Variants in UBR4 observed in about 807,000 individuals in gnomAD.
UBR4 encodes the protein E3 ubiquitin-protein ligase UBR4.
Under a neutral mutation model 575.6 loss-of-function variants are expected in UBR4, and 124 were observed. That is an observed-to-expected ratio of 0.22 (90% CI 0.19 to 0.25). UBR4 has a LOEUF of 0.25. Among genes scored for constraint, UBR4 ranks in the 10% least tolerant of loss-of-function variants. The pLI is 1.00. For missense variants in UBR4, 4,818 were observed against 6,478.8 expected (o/e 0.74, Z 8.80); for synonymous variants, 2,455 against 2,473.7 (o/e 0.99, Z 0.22).
chr1:19,110,452 G>A lies in UBR4; in HGVS notation c.11905C>T (p.Gln3969Ter). 1 of 1,614,112 alleles carries A rather than the reference G, an allele frequency of 6.2e-7. No individual in the cohort carries two copies. The highest frequency in any genetic ancestry group is 8.5e-7 in the Non-Finnish European group (1 of 1,180,032). Residue 3969 changes from glutamine (Q) to a stop codon, truncating the protein, a stop_gained, in exon 80 of 106, where the codon CAG (glutamine) becomes TAG (stop). Coordinates refer to ENST00000375254, the MANE Select transcript of UBR4 (RefSeq NM_020765.3). LOFTEE classifies it high-confidence loss of function. This position sits in a 1 kb window ranked among gnomAD's most constrained non-coding sequence, Gnocchi z 4.5. ...WANPDLASSL[Q>*]YEMLLLTDSI... The stretch of plus-strand genomic sequence containing the variant: ...TCCGTCAGCAGCAGCATTTCATACT[G>A]CAGGCTACTTGCCTAGAAGGCAATG...
At chr1:19,137,605 G>A (rs772518144) in intron 60 of UBR4, among the ~76,000 whole-genome samples, 9 of 152,124 alleles carry the variant, frequency 5.9e-5, no homozygotes, top group Non-Finnish European at 4.4e-5. Context: ...AACAAGGAGC[G>A]CTTCTAGGAC....
chr1:19,104,550 G>C (rs1250675899), intron 86 of UBR4, 35 bp downstream of exon 86: 1 of 1,609,872 alleles, frequency 6.2e-7, no homozygotes. Context: ...AACAGATTCA[G>C]GATGCCCTAA....
Position 19,112,690 on chromosome 1 carries a change from C to T in UBR4, c.11635G>A (p.Val3879Ile). The change falls in exon 78 of 106, where the codon GTC (valine) becomes ATC (isoleucine). Residue 3879 changes from valine (V) to isoleucine (I), a missense_variant. Physicochemically the swap from Val to Ile is conservative, Grantham distance 29 (BLOSUM62 3). Transcript: ENST00000375254. ...STKCYGCASA[V>I]TEHCITLLRA... Reference sequence around the variant, plus strand: ...AGTAGTGTGATACAATGTTCTGTGACAGCCGAGGCGCAGCCATAGCACTTG... The same window carrying T: ...AGTAGTGTGATACAATGTTCTGTGATAGCCGAGGCGCAGCCATAGCACTTG... The T allele has an allele frequency of 6.2e-7, 1 of 1,614,258 alleles. No homozygotes were observed. Among genetic ancestry groups the T allele is most frequent in the Non-Finnish European group, 8.5e-7 (1 of 1,180,046 alleles).
intron 76 of UBR4, 55 bp from the exon 77 acceptor site, chr1:19,113,882 G>C (rs746365833): frequency 8.1e-6 from 13 of 1,613,922 alleles, no homozygotes; most frequent in African/African-American, 1.3e-5. Flanking sequence ...ATCTCACCTA[G>C]GAGGCAGTCT....
At chr1:19,196,970 A>G (rs1488522608) in intron 8 of UBR4, among the ~76,000 whole-genome samples, 171 bp downstream of exon 8, 1 of 152,204 alleles carries the variant, frequency 6.6e-6, no homozygotes, top group Non-Finnish European at 1.5e-5. Flanking sequence ...CAACAGGACC[A>G]TTTACAAAGA....
At position 19,177,495 on chromosome 1, in the gene UBR4, T is replaced by C. The variant is rs1179936322; in HGVS notation, c.2603A>G (p.Gln868Arg). The C allele has an allele frequency of 1.9e-6, 3 of 1,614,108 alleles. No homozygotes were observed. Among genetic ancestry groups the C allele is most frequent in the Non-Finnish European group, 1.7e-6 (2 of 1,180,022 alleles). Residue 868 changes from glutamine (Q) to arginine (R), a missense_variant, in exon 19 of 106, where the codon CAG becomes CGG. This residue lies in a region of UBR4 where 1,172 missense variants were observed against 1,259.7 expected (regional missense o/e 0.93). Coordinates refer to ENST00000375254, the MANE Select transcript of UBR4 (RefSeq NM_020765.3). Reference protein sequence around the residue: ...LLLIFDYLLHQYSKAPVYLFE... With the variant: ...LLLIFDYLLHRYSKAPVYLFE... ...TAGATACACAGGGGCTTTGGAGTAC[T>C]GATGAAGCAGATAATCAAAGATGAG...
At chr1:19,207,996 G>A (rs148695336) in intron 1 of UBR4, among the ~76,000 whole-genome samples, 122 of 152,244 alleles carry the variant, frequency 8.0e-4, no homozygotes, top group African/African-American at 2.9e-3. Context: ...GTTTGCCAAC[G>A]CCTGCTTTAT....
chr1:19,131,888 C>A (rs1480914986), intron 60 of UBR4, among the ~76,000 whole-genome samples: 2 of 151,926 alleles, frequency 1.3e-5, no homozygotes, highest in Non-Finnish European at 2.9e-5. Flanking sequence ...AACAAACAAA[C>A]AAAAAAATCT....
chr1:19,121,875 G>C, intron 67 of UBR4, 59 bp downstream of exon 67: 2 of 1,581,344 alleles, frequency 1.3e-6, no homozygotes, highest in Non-Finnish European at 1.7e-6. Flanking sequence ...GCATATAGTA[G>C]GCCTTAACAG....
At chr1:19,122,775 C>T in intron 66 of UBR4, 58 bp downstream of exon 66, 1 of 1,590,656 alleles carries the variant, frequency 6.3e-7, no homozygotes, top group East Asian at 2.2e-5. Flanking sequence ...CTATTACCTA[C>T]TTGGCTAAGC....
intron 70 of UBR4, 99 bp downstream of exon 70, chr1:19,119,458 T>C (rs1419964841): frequency 6.8e-7 from 1 of 1,478,854 alleles, no homozygotes. Context: ...GTTTCCTATA[T>C]GGACTCCCTA....
At position 19,196,386 on chromosome 1, in the gene UBR4, T is replaced by C. The variant is rs535275228; in HGVS notation, c.1018+755A>G. 3.6e-4 allele frequency among the ~76,000 whole-genome samples: 55 copies of C among 152,284 alleles called. No homozygotes were observed. In the South Asian group the frequency reaches 0.011, roughly 30 times the overall value. On this transcript the variant is annotated intron_variant, in intron 8 of 105. Coordinates refer to ENST00000375254, the MANE Select transcript of UBR4 (RefSeq NM_020765.3). ...ATTTCATGGTGTCCCCAAGGTCAGGTCTCCAAGACTATCTGCTCAAATCTT... is the reference window on the plus strand; with the variant it reads ...ATTTCATGGTGTCCCCAAGGTCAGGCCTCCAAGACTATCTGCTCAAATCTT...
At chr1:19,203,499 CAAA>C (rs774026182) in intron 1 of UBR4, among the ~76,000 whole-genome samples, 4 of 108,668 alleles carry the variant, frequency 3.7e-5, no homozygotes, top group Non-Finnish European at 8.0e-5. Flanking sequence ...GACTCCAACT[CAAA>C]AAAAAAAAAA....
rs1248429733 is a variant in UBR4, at chr1:19,110,135, C to G, written c.12066G>C (p.Lys4022Asn). The G allele has an allele frequency of 1.2e-6, 2 of 1,614,166 alleles. No individual in the cohort carries two copies. Among genetic ancestry groups the G allele is most frequent in the Non-Finnish European group, 8.5e-7 (1 of 1,180,018 alleles). ...TAGTGGGAGCAGGTGGTTTTATCAGCTTCTGCAAGATCCTCAGGCACATGA... is the reference window on the plus strand; with the variant it reads ...TAGTGGGAGCAGGTGGTTTTATCAGGTTCTGCAAGATCCTCAGGCACATGA... ...ITLMCLRILQ[K>N]LIKPPAPTSK... Residue 4022 changes from lysine to asparagine, a missense_variant, in exon 81 of 106, where the codon AAG becomes AAC. This residue lies in a region of UBR4 where 333 missense variants were observed against 459.2 expected (regional missense o/e 0.73). Coordinates refer to ENST00000375254, the MANE Select transcript of UBR4 (RefSeq NM_020765.3). The surrounding 1 kb of genome is among the most constrained non-coding windows in gnomAD (Gnocchi z 4.5).
Position 19,172,433 on chromosome 1 carries a change from C to A in UBR4, c.3521+431G>T, listed in dbSNP as rs2089704153. 2.0e-5 allele frequency among the ~76,000 whole-genome samples: 3 copies of A among 152,292 alleles called. No homozygotes were observed. The South Asian group carries it at 6.2e-4, about 32-fold the overall frequency. ...TCAGGAGGCTGAGGCAGGAGAATCA[C>A]TTGAACCCAGGGGGTGGAGGTTGCA... On this transcript the variant is annotated intron_variant, in intron 25 of 105. Coordinates refer to ENST00000375254, the MANE Select transcript of UBR4 (RefSeq NM_020765.3).
intron 8 of UBR4, among the ~76,000 whole-genome samples, chr1:19,195,193 A>T (rs1273467421): frequency 6.6e-6 from 1 of 151,478 alleles, no homozygotes; most frequent in Admixed American, 6.6e-5. Flanking sequence ...TGAAACCAGG[A>T]GGTGGAGCTT....
chr1:19,177,858 T>G, intron 18 of UBR4, 115 bp from the exon 19 acceptor site: 8 of 1,242,526 alleles, frequency 6.4e-6, no homozygotes, highest in Non-Finnish European at 8.8e-6. Flanking sequence ...AGATAACAAA[T>G]TAAGGAAGAA....
At chr1:19,095,505 C>T in intron 93 of UBR4, 40 bp downstream of exon 93, 1 of 1,595,504 alleles carries the variant, frequency 6.3e-7, no homozygotes, top group South Asian at 1.1e-5. Flanking sequence ...CCCAGACTTC[C>T]AAGGCCCACT....
At chr1:19,150,830 C>G (rs1168659261) in intron 48 of UBR4, 37 bp from the exon 49 acceptor site, 16 of 1,605,108 alleles carry the variant, frequency 1.0e-5, no homozygotes, top group Non-Finnish European at 1.4e-5. Context: ...GAAGCACATT[C>G]TCTAAAAAGC....
Sources: allele counts gnomAD v4.1 joint callset (sites outside exome capture counted in the v4.1 genomes callset), GRCh38; gene constraint gnomAD v4.1.1; regional missense constraint gnomAD v4.1.1; non-coding constraint Gnocchi (gnomAD v3.1); transcripts MANE v1.5; gene names NCBI Gene and HGNC (gene_info 2026-07-23, HGNC 2026-07-21).